Variants in WRN observed in about 807,000 individuals in gnomAD.
WRN encodes WRN RecQ like helicase.
WRN carries 149 observed loss-of-function variants against 180.7 expected under a neutral mutation model. That is an observed-to-expected ratio of 0.82 (90% CI 0.72 to 0.94). WRN has a LOEUF of 0.94. Among genes scored for constraint, WRN ranks in the 40% least tolerant of loss-of-function variants. The pLI, the probability that WRN is intolerant of heterozygous loss-of-function variation, is 0.00. For missense variants in WRN, 1,661 were observed against 1,700.1 expected, an observed-to-expected ratio of 0.98 and a Z score of 0.40; for synonymous variants, 548 against 568.9, an observed-to-expected ratio of 0.96 and a Z score of 0.52.
In WRN at chr8:31,081,423, G is replaced by A; in HGVS notation, c.1269+127G>A. The A allele has an allele frequency of 3.0e-6, 3 of 988,944 alleles. No homozygotes were observed. In the Admixed American group the frequency reaches 8.1e-5, roughly 27 times the overall value. The allele number at this position is 988,944 out of a possible 1,614,324, so 61.3% of individuals were successfully genotyped here. A position where few individuals can be genotyped will look rare whatever the true frequency, so the allele number is the denominator to read the frequency against. On this transcript the variant is annotated intron_variant, in intron 9 of 34. Coordinates refer to ENST00000298139, the MANE Select transcript of WRN (RefSeq NM_000553.6). ...ATACAGTCTCTGTTGCAGTAACTCA[G>A]TTCTGTTATTGTAGTGTGAAAGCAG...
intron 7 of WRN, among the ~76,000 whole-genome samples, chr8:31,073,994 G>A (rs1813006974): frequency 6.6e-6 from 1 of 151,596 alleles, no homozygotes; most frequent in African/African-American, 2.4e-5. Flanking sequence ...TCTGCTCACT[G>A]CAAGCTCCGC....
chr8:31,090,641 A>G, intron 14 of WRN, 109 bp downstream of exon 14: 2 of 1,215,842 alleles, frequency 1.6e-6, no homozygotes, highest in Non-Finnish European at 2.4e-6. Context: ...ACTACAAATG[A>G]TGTAAACTAT....
intron 1 of WRN, among the ~76,000 whole-genome samples, chr8:31,047,375 G>A (rs1811909213): frequency 6.6e-6 from 1 of 152,068 alleles, no homozygotes; most frequent in African/African-American, 2.4e-5. Context: ...CCAGCCTCCT[G>A]CCTTAGCCTC....
chr8:31,067,265 AGTG>A, intron 6 of WRN, 83 bp downstream of exon 6: 1 of 1,485,468 alleles, frequency 6.7e-7, no homozygotes, highest in Non-Finnish European at 9.2e-7. Flanking sequence ...TTATTATAGT[AGTG>A]GCAGAAACTC....
chr8:31,069,121 C>T (rs11574211), intron 7 of WRN, among the ~76,000 whole-genome samples: 11,202 of 152,296 alleles, frequency 0.074, 472 homozygotes, highest in African/African-American at 0.12. Flanking sequence ...TCACTATTCT[C>T]GTAGCTTCCT....
At chr8:31,127,510 A>G (rs910639683) in intron 23 of WRN, among the ~76,000 whole-genome samples, 4 of 151,942 alleles carry the variant, frequency 2.6e-5, no homozygotes, top group African/African-American at 9.7e-5. Flanking sequence ...AAGAAGCATT[A>G]TTAGGGATGG....
intron 28 of WRN, among the ~76,000 whole-genome samples, 178 bp downstream of exon 28, chr8:31,143,801 T>C (rs981051967): frequency 6.6e-6 from 1 of 152,118 alleles, no homozygotes; most frequent in African/African-American, 2.4e-5. Flanking sequence ...GTTAATTTAA[T>C]AGCTAACACT....
intron 33 of WRN, among the ~76,000 whole-genome samples, chr8:31,159,694 C>T (rs1803533905): frequency 6.6e-6 from 1 of 152,084 alleles, no homozygotes; most frequent in African/African-American, 2.4e-5. Context: ...AATCCTAGCA[C>T]TTTGGGAGGC....
chr8:31,168,614 G>T (rs1388798056), intron 34 of WRN, among the ~76,000 whole-genome samples: 1 of 147,004 alleles, frequency 6.8e-6, no homozygotes, highest in Non-Finnish European at 1.5e-5. Flanking sequence ...GAACAAGGGT[G>T]TTGGGGCTGG....
At chr8:31,057,231 A>G (rs922810394) in intron 1 of WRN, among the ~76,000 whole-genome samples, 13 of 152,334 alleles carry the variant, frequency 8.5e-5, no homozygotes, top group African/African-American at 3.1e-4. Context: ...TGTAATTAAC[A>G]TCCTGTTTCA....
chr8:31,057,744 GT>G lies in WRN; in HGVS notation c.-76-616del, dbSNP rs897203425. The stretch of plus-strand genomic sequence containing the variant: ...ACTATTAACAAAACAAATATGTTCT[GT>G]TTTTTTTTTTTAAATGCACACACCA... On this transcript the variant is annotated intron_variant, in intron 1 of 34. Coordinates refer to ENST00000298139, the MANE Select transcript of WRN (RefSeq NM_000553.6). Among the ~76,000 whole-genome samples, 1,429 of 144,372 alleles carry G rather than the reference GT, an allele frequency of 9.9e-3. 17 individuals carry two copies. The highest frequency in any genetic ancestry group is 0.03 in the African/African-American group (1,192 of 39,772). The allele number at this position is 144,372 out of a possible 152,430, so 94.7% of individuals were successfully genotyped here. A position where few individuals can be genotyped will look rare whatever the true frequency, so the allele number is the denominator to read the frequency against.
At chr8:31,166,258 GAGTAGGT>G (rs1803855777) in intron 33 of WRN, among the ~76,000 whole-genome samples, 1 of 152,152 alleles carries the variant, frequency 6.6e-6, no homozygotes, top group South Asian at 2.1e-4. Context: ...GAAGATGAGT[GAGTAGGT>G]TCTAAACTGC....
intron 19 of WRN, among the ~76,000 whole-genome samples, chr8:31,114,912 T>TC (rs1801455871): frequency 7.1e-6 from 1 of 141,080 alleles, no homozygotes; most frequent in Admixed American, 7.0e-5. Flanking sequence ...TTTTTTTTTT[T>TC]TGACATGGAG....
At chr8:31,071,691 A>G (rs894410971) in intron 7 of WRN, among the ~76,000 whole-genome samples, 2 of 152,142 alleles carry the variant, frequency 1.3e-5, no homozygotes, top group Non-Finnish European at 2.9e-5. Flanking sequence ...CATGTTGGCC[A>G]GGCTGGTCTC....
chr8:31,051,681 C>A (rs1456784753), intron 1 of WRN, among the ~76,000 whole-genome samples: 2 of 152,170 alleles, frequency 1.3e-5, no homozygotes, highest in Non-Finnish European at 2.9e-5. Flanking sequence ...GACCATTTTG[C>A]AACTAACTTA....
intron 19 of WRN, among the ~76,000 whole-genome samples, chr8:31,112,350 GA>G (rs1382640033): frequency 2.6e-5 from 4 of 152,166 alleles, no homozygotes; most frequent in African/African-American, 9.7e-5. Flanking sequence ...AAGGAGCTTA[GA>G]AAAGGTCACC....
At position 31,058,436 on chromosome 8, in the gene WRN, G is replaced by T; in HGVS notation, c.-12G>T. On this transcript the variant is annotated 5_prime_UTR_variant, in exon 2 of 35. Coordinates refer to ENST00000298139, the MANE Select transcript of WRN (RefSeq NM_000553.6). Reference sequence around the variant, plus strand: ...ATTGTTTTTTGGACTCTGCAAATAGGACATTTCAAAGATGAGTGAAAAAAA... The same window carrying T: ...ATTGTTTTTTGGACTCTGCAAATAGTACATTTCAAAGATGAGTGAAAAAAA... 6.2e-7 allele frequency: 1 copy of T among 1,611,704 alleles called. No individual in the cohort carries two copies.
In WRN at chr8:31,080,452, C is replaced by CTT. The variant is rs11395807; in HGVS notation, c.840-405_840-404dup. Among the ~76,000 whole-genome samples the CTT allele has an allele frequency of 4.7e-3, 697 of 147,002 alleles. 2 individuals carry two copies. The highest frequency in any genetic ancestry group is 0.013 in the African/African-American group (532 of 40,186). ...TCTTTTATCACAGTTTATCAAACAC[C>CTT]TTTTTTTTTTTAACAAAAAACAAAT... On this transcript the variant is annotated intron_variant, in intron 8 of 34. Coordinates refer to ENST00000298139, the MANE Select transcript of WRN (RefSeq NM_000553.6).
chr8:31,141,241 C>T (rs975862079), intron 24 of WRN, among the ~76,000 whole-genome samples, 189 bp from the exon 25 acceptor site: 1 of 152,112 alleles, frequency 6.6e-6, no homozygotes, highest in Non-Finnish European at 1.5e-5. Context: ...ACAAAAGGAA[C>T]ATTATTTTGA....
Sources: gnomAD v4.1 joint callset for allele counts (sites outside exome capture counted in the v4.1 genomes callset) on GRCh38, gnomAD v4.1.1 for gene constraint, MANE v1.5 for transcripts, NCBI Gene and HGNC (gene_info 2026-07-23, HGNC 2026-07-21) for gene names.